The following CHP1 variants were observed in gnomAD, a reference collection of about 807,000 sequenced individuals.
CHP1 encodes calcineurin like EF-hand protein 1, also known as calcineurin B homologous protein 1.
Under a neutral mutation model 27.4 loss-of-function variants are expected in CHP1, and 11 were observed. That is an observed-to-expected ratio of 0.40 (90% CI 0.25 to 0.67). The LOEUF is 0.67. Among genes scored for constraint, CHP1 ranks in the 30% least tolerant of loss-of-function variants. The pLI, the probability that CHP1 is intolerant of heterozygous loss-of-function variation, is 0.38. For missense variants in CHP1, 169 were observed against 251.3 expected (o/e 0.67, Z 2.22); for synonymous variants, 89 against 87.4 (o/e 1.02, Z -0.10).
intron 5 of CHP1, among the ~76,000 whole-genome samples, chr15:41,278,094 C>T (rs780072406): frequency 2.9e-4 from 44 of 151,846 alleles, no homozygotes; most frequent in Non-Finnish European, 5.6e-4. Context: ...TTTGGGAGGC[C>T]GAGGTGAGCG....
At chr15:41,256,196 G>A (rs1033446008) in intron 2 of CHP1, among the ~76,000 whole-genome samples, 2 of 152,074 alleles carry the variant, frequency 1.3e-5, no homozygotes, top group Admixed American at 1.3e-4. Flanking sequence ...ATAAAACATT[G>A]GCGTGAAGAA....
chr15:41,243,733 C>T lies in CHP1; in HGVS notation c.134C>T (p.Thr45Ile), dbSNP rs1441471962. Residue 45 changes from threonine (T) to isoleucine (I), a missense_variant, in exon 2 of 7, where the codon ACT becomes ATT. Thr to Ile is a moderately conservative substitution (Grantham distance 89). Transcript: ENST00000334660. ...FTSLDKGENG[T>I]LSREDFQRIP... Reference sequence around the variant, plus strand: ...AGCCTGGACAAAGGAGAGAATGGGACTCTCAGGTAGGCAGTGTTTTTCTTT... The same window carrying T: ...AGCCTGGACAAAGGAGAGAATGGGATTCTCAGGTAGGCAGTGTTTTTCTTT... The T allele has an allele frequency of 3.1e-6, 5 of 1,613,972 alleles. No homozygotes were observed. Among genetic ancestry groups the T allele is most frequent in the Non-Finnish European group, 4.2e-6 (5 of 1,179,880 alleles).
chr15:41,240,753 C>CT (rs2047302442), intron 1 of CHP1, among the ~76,000 whole-genome samples: 6 of 54,170 alleles, frequency 1.1e-4, no homozygotes, highest in Non-Finnish European at 2.1e-4. Flanking sequence ...AACTCTATCT[C>CT]AAAAAAAAAA....
At chr15:41,278,439 T>C (rs371639146) in intron 5 of CHP1, among the ~76,000 whole-genome samples, 4 of 152,096 alleles carry the variant, frequency 2.6e-5, no homozygotes, top group African/African-American at 4.8e-5. Flanking sequence ...GATGTACAGA[T>C]TATTTCGCCA....
At chr15:41,262,277 G>A (rs1342539873) in intron 3 of CHP1, among the ~76,000 whole-genome samples, 1 of 151,834 alleles carries the variant, frequency 6.6e-6, no homozygotes, top group African/African-American at 2.4e-5. Flanking sequence ...TTTTAAAAGC[G>A]GCCTTTCCAT....
chr15:41,257,237 C>G (rs921844968), intron 3 of CHP1, among the ~76,000 whole-genome samples: 3 of 151,982 alleles, frequency 2.0e-5, no homozygotes, highest in African/African-American at 4.8e-5. Flanking sequence ...TAAAACTAGA[C>G]TTTTAAAAAA....
chr15:41,232,456 C>A (rs1471746233), intron 1 of CHP1, among the ~76,000 whole-genome samples: 1 of 151,986 alleles, frequency 6.6e-6, no homozygotes, highest in Admixed American at 6.6e-5. Context: ...AGTGATCCAC[C>A]CACCTCGGCC....
intron 3 of CHP1, 120 bp from the exon 4 acceptor site, chr15:41,262,636 G>T (rs999835249): frequency 7.6e-7 from 1 of 1,311,944 alleles, no homozygotes; most frequent in Middle Eastern, 2.8e-4. Flanking sequence ...CGTATGGAAA[G>T]AAACCTCATT....
At chr15:41,255,851 A>G (rs185958353) in intron 2 of CHP1, among the ~76,000 whole-genome samples, 1 of 152,172 alleles carries the variant, frequency 6.6e-6, no homozygotes, top group Non-Finnish European at 1.5e-5. Context: ...CTCCGTCTCT[A>G]CTAAATGTAC....
chr15:41,234,249 G>C (rs544716303), intron 1 of CHP1: 1 of 152,148 alleles, frequency 6.6e-6, no homozygotes, highest in African/African-American at 2.4e-5. Flanking sequence ...GAGCCACTGC[G>C]CCAAGCCCAG....
At chr15:41,244,330 T>C (rs140462824) in intron 2 of CHP1, among the ~76,000 whole-genome samples, 122 of 152,292 alleles carry the variant, frequency 8.0e-4, no homozygotes, top group African/African-American at 2.8e-3. Flanking sequence ...ATTTCAGCTC[T>C]CTCTGCTTAC....
At chr15:41,258,076 C>G (rs2047411368) in intron 3 of CHP1, among the ~76,000 whole-genome samples, 1 of 152,162 alleles carries the variant, frequency 6.6e-6, no homozygotes, top group Non-Finnish European at 1.5e-5. Flanking sequence ...TACACATACT[C>G]TACGTGTGTG....
intron 2 of CHP1, among the ~76,000 whole-genome samples, chr15:41,244,823 ACT>A (rs1284757305): frequency 6.6e-6 from 1 of 151,928 alleles, no homozygotes; most frequent in Non-Finnish European, 1.5e-5. Flanking sequence ...TCCCACACTA[ACT>A]CTCAGTAGCA....
intron 1 of CHP1, among the ~76,000 whole-genome samples, chr15:41,241,814 A>G (rs946309665): frequency 2.0e-5 from 3 of 152,170 alleles, no homozygotes; most frequent in African/African-American, 4.8e-5. Flanking sequence ...TCCCAACACT[A>G]CAAGTACATT....
intron 3 of CHP1, among the ~76,000 whole-genome samples, chr15:41,258,415 A>G (rs945747432): frequency 1.1e-4 from 16 of 152,028 alleles, no homozygotes; most frequent in African/African-American, 3.9e-4. Flanking sequence ...TCATATTCCA[A>G]TTTTGTCATC....
intron 5 of CHP1, among the ~76,000 whole-genome samples, chr15:41,274,103 G>A (rs952512360): frequency 6.6e-6 from 1 of 151,846 alleles, no homozygotes. Flanking sequence ...TGGGACTATA[G>A]GCACCTGCCA....
intron 3 of CHP1, among the ~76,000 whole-genome samples, chr15:41,260,151 G>A (rs1044048478): frequency 1.3e-5 from 2 of 151,954 alleles, no homozygotes; most frequent in African/African-American, 2.4e-5. Flanking sequence ...GCTATTCGGT[G>A]GGGCACAGAA....
At chr15:41,275,380 C>G (rs1463566713) in intron 5 of CHP1, among the ~76,000 whole-genome samples, 1 of 152,022 alleles carries the variant, frequency 6.6e-6, no homozygotes, top group Non-Finnish European at 1.5e-5. Flanking sequence ...GTGTCAAACT[C>G]CTGATCTCAG....
intron 1 of CHP1, among the ~76,000 whole-genome samples, chr15:41,242,242 G>T (rs1252336172): frequency 6.6e-6 from 1 of 152,154 alleles, no homozygotes; most frequent in Non-Finnish European, 1.5e-5. Context: ...TCACAGAAAA[G>T]AGGTTGATCT....
Sources: allele counts gnomAD v4.1 joint callset (sites outside exome capture counted in the v4.1 genomes callset), GRCh38; gene constraint gnomAD v4.1.1; transcripts MANE v1.5; gene names NCBI Gene and HGNC (gene_info 2026-07-23, HGNC 2026-07-21).